UIMC1: variants seen among roughly 807,000 people sequenced by gnomAD.
UIMC1 encodes the protein BRCA1-A complex subunit RAP80.
Under a neutral mutation model 84.9 loss-of-function variants are expected in UIMC1, and 42 were observed. That is an observed-to-expected ratio of 0.49 (90% CI 0.39 to 0.64). UIMC1 has a LOEUF of 0.64. Among genes scored for constraint, UIMC1 ranks in the 30% least tolerant of loss-of-function variants. The probability of loss-of-function intolerance (pLI) is 0.00; values close to 1 mark genes in which losing one functional copy is unlikely to be tolerated. For missense variants in UIMC1, 825 were observed against 847.6 expected, an observed-to-expected ratio of 0.97 and a Z score of 0.33; for synonymous variants, 281 against 293.0, an observed-to-expected ratio of 0.96 and a Z score of 0.42.
At chr5:176,972,264 T>C (rs1232591648) in intron 3 of UIMC1, among the ~76,000 whole-genome samples, 2 of 151,962 alleles carry the variant, frequency 1.3e-5, no homozygotes, top group East Asian at 1.9e-4. Flanking sequence ...CAGCCAGGCA[T>C]GGTGGTGAGC....
chr5:176,925,406 T>C (rs1762273013), intron 10 of UIMC1, among the ~76,000 whole-genome samples: 1 of 152,158 alleles, frequency 6.6e-6, no homozygotes, highest in Non-Finnish European at 1.5e-5. Flanking sequence ...GGAATTAAAA[T>C]GGTATAACTA....
chr5:177,020,675 C>T (rs1775770379), intron 1 of UIMC1, among the ~76,000 whole-genome samples: 1 of 152,198 alleles, frequency 6.6e-6, no homozygotes, highest in Non-Finnish European at 1.5e-5. Context: ...TCGTGATCCA[C>T]CTGCCTCGGC....
chr5:176,969,462 A>T (rs1332195243), intron 5 of UIMC1, 139 bp downstream of exon 5: 8 of 1,268,672 alleles, frequency 6.3e-6, no homozygotes, highest in Non-Finnish European at 8.7e-6. Context: ...TATTCTTATG[A>T]TCTCAACTAC....
intron 10 of UIMC1, among the ~76,000 whole-genome samples, chr5:176,922,912 G>A (rs1300191030): frequency 6.6e-6 from 1 of 152,184 alleles, no homozygotes; most frequent in Non-Finnish European, 1.5e-5. Context: ...AAAGAAAATC[G>A]CTACATTTTG....
rs117542586 is a variant in UIMC1 at position 176,930,631 on chromosome 5, T to G, written c.1597+12704A>C. ...GCATGGCTTATAAAGATGCGGCAAA[T>G]TAAATCCTTTTACTTAACAGAAAAT... On this transcript the variant is annotated intron_variant, in intron 10 of 14. Transcript: ENST00000511320. 5.3e-5 allele frequency among the ~76,000 whole-genome samples: 8 copies of G among 152,376 alleles called. No individual in the cohort carries two copies. In the East Asian group the frequency reaches 1.5e-3, roughly 29 times the overall value.
chr5:176,977,478 T>C (rs1770282113), intron 2 of UIMC1, among the ~76,000 whole-genome samples: 1 of 148,618 alleles, frequency 6.7e-6, no homozygotes, highest in South Asian at 2.1e-4. Flanking sequence ...TAAAAATGAT[T>C]CAAATCATAT....
chr5:176,905,993 G>T lies in UIMC1; in HGVS notation c.1949+18C>A. 6.2e-7 allele frequency: 1 copy of T among 1,614,038 alleles called. No homozygotes were observed. Among genetic ancestry groups the T allele is most frequent in the South Asian group, 1.1e-5 (1 of 91,074 alleles). ...CAGAAATGCTGACAGCCACAATTCA[G>T]TGCACAATCCAATTCACCTGAAGGC... is the stretch of plus-strand genomic sequence containing the variant. On this transcript the variant is annotated intron_variant, in intron 14 of 14. Transcript: ENST00000511320.
rs569005149 is a variant in UIMC1, at chr5:176,905,548, A to G, written c.1950-56T>C. The G allele has an allele frequency of 7.9e-6, 12 of 1,515,388 alleles. No individual in the cohort carries two copies. The African/African-American group carries it at 1.1e-4, about 14-fold the overall frequency. The allele number at this position is 1,515,388 out of a possible 1,614,324, so 93.9% of individuals were successfully genotyped here. Reference sequence around the variant, plus strand: ...TATACACCTACTAAGCATCAAGGACATGCTATGCACTGTATCAGGGGATTT... The same window carrying G: ...TATACACCTACTAAGCATCAAGGACGTGCTATGCACTGTATCAGGGGATTT... On this transcript the variant is annotated intron_variant, in intron 14 of 14. Coordinates refer to ENST00000511320, the MANE Select transcript of UIMC1 (RefSeq NM_001199298.2).
chr5:176,980,562 AAG>A lies in UIMC1; in HGVS notation c.147+1905_147+1906del, dbSNP rs1034746248. On this transcript the variant is annotated intron_variant, in intron 2 of 14. Coordinates refer to ENST00000511320, the MANE Select transcript of UIMC1 (RefSeq NM_001199298.2). The stretch of plus-strand genomic sequence containing the variant: ...TCAAGAAATTATTTTAAAAATGAAA[AAG>A]AAATTATTGCTTATGGTTAAATGTC... Among the ~76,000 whole-genome samples, 12 of 152,294 alleles carry A rather than the reference AAG, an allele frequency of 7.9e-5. 1 individual carries two copies. Among genetic ancestry groups the A allele is most frequent in the Middle Eastern group, 3.4e-3 (1 of 294 alleles).
intron 6 of UIMC1, among the ~76,000 whole-genome samples, 163 bp downstream of exon 6, chr5:176,968,391 GT>G (rs1768652454): frequency 6.6e-6 from 1 of 151,798 alleles, no homozygotes; most frequent in East Asian, 1.9e-4. Flanking sequence ...AAAAATGGTA[GT>G]TTTTTTCTTC....
chr5:176,960,428 G>T (rs1190384858), intron 6 of UIMC1, among the ~76,000 whole-genome samples: 1 of 152,046 alleles, frequency 6.6e-6, no homozygotes, highest in East Asian at 1.9e-4. Context: ...AGCAAAATAA[G>T]CAAATAAAAT....
intron 10 of UIMC1, among the ~76,000 whole-genome samples, chr5:176,922,956 C>CA (rs937518093): frequency 1.2e-4 from 18 of 152,148 alleles, no homozygotes; most frequent in African/African-American, 4.1e-4. Context: ...TTTTTTGCAG[C>CA]AAAGAAGGCA....
At chr5:176,939,616 C>T (rs1764175458) in intron 10 of UIMC1, among the ~76,000 whole-genome samples, 1 of 152,134 alleles carries the variant, frequency 6.6e-6, no homozygotes, top group Admixed American at 6.6e-5. Context: ...TACCTTATAG[C>T]CTAGGTGTGT....
In UIMC1 at chr5:176,911,407, A is replaced by G. The variant is rs1214422073; in HGVS notation, c.1598-18T>C. Reference sequence around the variant, plus strand: ...AGTCAATACTTTTAATATAAAAAATATATATATATACACATAGTTAGCTGC... The same window carrying G: ...AGTCAATACTTTTAATATAAAAAATGTATATATATACACATAGTTAGCTGC... On this transcript the variant is annotated intron_variant, in intron 10 of 14. Transcript: ENST00000511320. The G allele has an allele frequency of 6.6e-7, 1 of 1,518,918 alleles. No individual in the cohort carries two copies. Among genetic ancestry groups the G allele is most frequent in the Non-Finnish European group, 8.9e-7 (1 of 1,127,954 alleles). 94.1% of individuals were successfully genotyped at this position (1,518,918 alleles called of 1,614,324 possible). A position where few individuals can be genotyped will look rare whatever the true frequency, so the allele number is the denominator to read the frequency against.
At chr5:176,932,736 T>C (rs947736568) in intron 10 of UIMC1, among the ~76,000 whole-genome samples, 1 of 152,150 alleles carries the variant, frequency 6.6e-6, no homozygotes, top group African/African-American at 2.4e-5. Context: ...GCTCTGGAGA[T>C]ACATCCCAGT....
intron 1 of UIMC1, among the ~76,000 whole-genome samples, chr5:177,017,671 CTTTT>C (rs570344600): frequency 1.4e-5 from 2 of 138,142 alleles, no homozygotes; most frequent in Non-Finnish European, 3.1e-5. Context: ...CACGCTGGCC[CTTTT>C]TTTTTTTTTT....
At chr5:176,939,259 A>AG (rs908847580) in intron 10 of UIMC1, among the ~76,000 whole-genome samples, 6 of 150,132 alleles carry the variant, frequency 4.0e-5, no homozygotes, top group African/African-American at 1.5e-4. Flanking sequence ...CCTGTCTCAA[A>AG]AAAAAAAAAA....
At chr5:177,008,095 AC>A (rs1451057731), upstream of UIMC1, among the ~76,000 whole-genome samples, 2 of 150,288 alleles carry the variant, frequency 1.3e-5, no homozygotes, top group Admixed American at 1.3e-4. Context: ...ACAGAGTGAG[AC>A]TCTGTCTCAA....
chr5:177,001,101 G>A lies in UIMC1; in HGVS notation c.-9+5549C>T, dbSNP rs564432528. Among the ~76,000 whole-genome samples, 4 of 152,242 alleles carry A rather than the reference G, an allele frequency of 2.6e-5. No homozygotes were observed. The East Asian group carries it at 7.7e-4, about 29-fold the overall frequency. ...TTTGCCCAGACCAATGTCCTAGAGA[G>A]TTTCCCCAAAGTTTTCTTGTAGTAA... is the stretch of plus-strand genomic sequence containing the variant. On this transcript the variant is annotated intron_variant, in intron 1 of 14. Coordinates refer to ENST00000511320, the MANE Select transcript of UIMC1 (RefSeq NM_001199298.2).
Sources: gnomAD v4.1 joint callset for allele counts (sites outside exome capture counted in the v4.1 genomes callset) on GRCh38, gnomAD v4.1.1 for gene constraint, MANE v1.5 for transcripts, NCBI Gene and HGNC (gene_info 2026-07-23, HGNC 2026-07-21) for gene names.